SLCO3A1: variants seen among roughly 807,000 people sequenced by gnomAD.
SLCO3A1 encodes the protein solute carrier organic anion transporter family member 3A1, also known as PGE1 transporter.
Under a neutral mutation model 63.1 loss-of-function variants are expected in SLCO3A1, and 27 were observed. The observed-to-expected ratio is 0.43, with a 90% CI of 0.32 to 0.59. SLCO3A1 has a LOEUF of 0.59. Among genes scored for constraint, SLCO3A1 ranks in the 20% least tolerant of loss-of-function variants. The pLI, the probability that SLCO3A1 is intolerant of heterozygous loss-of-function variation, is 0.09. For missense variants in SLCO3A1, 773 were observed against 945.8 expected (o/e 0.82, Z 2.40); for synonymous variants, 473 against 409.9 (o/e 1.15, Z -1.86).
chr15:91,975,608 G>A (rs991835684), intron 2 of SLCO3A1, among the ~76,000 whole-genome samples: 4 of 152,158 alleles, frequency 2.6e-5, no homozygotes, highest in African/African-American at 9.7e-5. Context: ...GGGCCAGGGG[G>A]GCACCCTGCC....
At chr15:91,914,857 C>G (rs994671828) in intron 1 of SLCO3A1, among the ~76,000 whole-genome samples, 2 of 152,272 alleles carry the variant, frequency 1.3e-5, no homozygotes, top group Admixed American at 6.5e-5. Context: ...CAGGTGTGAG[C>G]CACTGCTCCC....
At chr15:91,965,677 A>G (rs1358758209) in intron 2 of SLCO3A1, among the ~76,000 whole-genome samples, 1 of 151,994 alleles carries the variant, frequency 6.6e-6, no homozygotes, top group East Asian at 1.9e-4. Context: ...AGTCCAAAGG[A>G]ATCTTTTGTC....
In SLCO3A1 at chr15:92,147,088, C is replaced by T; in HGVS notation, c.1617C>T (p.Phe539=). 6.2e-7 allele frequency: 1 copy of T among 1,614,166 alleles called. No individual in the cohort carries two copies. The highest frequency in any genetic ancestry group is 2.2e-5 in the East Asian group (1 of 44,868). The change falls in exon 8 of 10, where the codon TTC becomes TTT. Residue 539 remains phenylalanine (F), a synonymous_variant. Transcript: ENST00000318445. The stretch of plus-strand genomic sequence containing the variant: ...GGTGCCAAGAGGCCTTCCTCACTTT[C>T]CTCTGTGTGATGTGTATCTGCAGCC... The part of the protein sequence containing the change: ...SPGCQEAFLT[F]LCVMCICSLI...
chr15:92,067,029 A>T (rs1567100274), intron 2 of SLCO3A1, among the ~76,000 whole-genome samples: 1 of 152,164 alleles, frequency 6.6e-6, no homozygotes, highest in South Asian at 2.1e-4. Flanking sequence ...CACACCTTGT[A>T]TGTAAATATT....
At chr15:91,870,272 G>A (rs1212901970) in intron 1 of SLCO3A1, among the ~76,000 whole-genome samples, 1 of 152,130 alleles carries the variant, frequency 6.6e-6, no homozygotes, top group African/African-American at 2.4e-5. Context: ...CTTATAAAAT[G>A]TATGTTCTAA....
At chr15:91,992,134 T>G (rs1483614494) in intron 2 of SLCO3A1, among the ~76,000 whole-genome samples, 1 of 152,216 alleles carries the variant, frequency 6.6e-6, no homozygotes, top group Non-Finnish European at 1.5e-5. Flanking sequence ...AGCTTCCATT[T>G]TGGATTTATC....
chr15:91,877,755 T>C (rs969860027), intron 1 of SLCO3A1, among the ~76,000 whole-genome samples: 2 of 151,766 alleles, frequency 1.3e-5, no homozygotes, highest in African/African-American at 4.8e-5. Flanking sequence ...TACAGGTTTT[T>C]GCAAAAAGGG....
intron 2 of SLCO3A1, among the ~76,000 whole-genome samples, chr15:92,026,168 C>T (rs1019501628): frequency 1.3e-5 from 2 of 152,044 alleles, no homozygotes; most frequent in Non-Finnish European, 2.9e-5. Flanking sequence ...TTTCTCCATC[C>T]GGTAACTCCT....
Position 91,885,803 on chromosome 15 carries a change from C to T in SLCO3A1, c.181-30190C>T, listed in dbSNP as rs1348971223. ...CGGCTGGACCTTTCTCTAAAGGCCTCTCTGGGCGGGTGATATTTGAGTAGA... is the reference window on the plus strand; with the variant it reads ...CGGCTGGACCTTTCTCTAAAGGCCTTTCTGGGCGGGTGATATTTGAGTAGA... On this transcript the variant is annotated intron_variant, in intron 1 of 9. Coordinates refer to ENST00000318445, the MANE Select transcript of SLCO3A1 (RefSeq NM_013272.4). This position sits in a 1 kb window ranked among gnomAD's most constrained non-coding sequence, Gnocchi z 4.7. Among the ~76,000 whole-genome samples the T allele has an allele frequency of 6.6e-6, 1 of 152,154 alleles. No homozygotes were observed. The highest frequency in any genetic ancestry group is 1.5e-5 in the Non-Finnish European group (1 of 68,032).
At chr15:92,014,216 G>GA (rs2046400007) in intron 2 of SLCO3A1, among the ~76,000 whole-genome samples, 1 of 152,080 alleles carries the variant, frequency 6.6e-6, no homozygotes, top group Non-Finnish European at 1.5e-5. Context: ...AAGCCTGATG[G>GA]GCGTCTCACC....
intron 2 of SLCO3A1, among the ~76,000 whole-genome samples, chr15:92,028,435 A>G (rs116807224): frequency 2.3e-3 from 344 of 152,204 alleles, no homozygotes; most frequent in African/African-American, 7.3e-3. Flanking sequence ...CAGCAAAAGT[A>G]TTTTTTCTAC....
downstream of SLCO3A1, among the ~76,000 whole-genome samples, chr15:92,169,400 G>A (rs1443207704): frequency 1.3e-5 from 2 of 152,206 alleles, no homozygotes; most frequent in Non-Finnish European, 2.9e-5. Flanking sequence ...CACTGATCAA[G>A]AAGACCCTGG....
intron 2 of SLCO3A1, among the ~76,000 whole-genome samples, chr15:92,003,335 A>AC (rs976520565): frequency 3.9e-5 from 6 of 152,138 alleles, no homozygotes; most frequent in African/African-American, 1.2e-4. Context: ...GTCCTGTCTC[A>AC]CCCCTAGTGG....
intron 7 of SLCO3A1, among the ~76,000 whole-genome samples, chr15:92,136,419 G>A (rs1235195436): frequency 6.6e-6 from 1 of 152,134 alleles, no homozygotes; most frequent in South Asian, 2.1e-4. Flanking sequence ...TGTAATACCG[G>A]CTGTCAAAAT....
In SLCO3A1 at chr15:91,887,730, G is replaced by A. The variant is rs1007117030; in HGVS notation, c.181-28263G>A. Among the ~76,000 whole-genome samples the A allele has an allele frequency of 3.9e-5, 6 of 152,172 alleles. No individual in the cohort carries two copies. In the South Asian group the frequency reaches 6.2e-4, roughly 16 times the overall value. On this transcript the variant is annotated intron_variant, in intron 1 of 9. Transcript: ENST00000318445. ...GAAAGATATTCGAGGTAGCCACATG[G>A]TTTAATAAAACCAGGCTGGATGCAA...
Position 92,070,051 on chromosome 15 carries a change from G to A in SLCO3A1, c.647-24830G>A, listed in dbSNP as rs758051750. Among the ~76,000 whole-genome samples the A allele has an allele frequency of 5.3e-5, 8 of 152,220 alleles. 1 individual carries two copies. Among genetic ancestry groups the A allele is most frequent in the East Asian group, 3.9e-4 (2 of 5,182 alleles). ...GTTGGCATCAGGCTCGTTCAGAACC[G>A]ACTGCTTCAAGCAAGTCATTCTCCC... On this transcript the variant is annotated intron_variant, in intron 2 of 9. Transcript: ENST00000318445.
intron 2 of SLCO3A1, among the ~76,000 whole-genome samples, chr15:91,965,207 G>C (rs1317561646): frequency 6.6e-6 from 1 of 152,140 alleles, no homozygotes; most frequent in South Asian, 2.1e-4. Flanking sequence ...TGATTAAAGA[G>C]AAACGCATAT....
rs564272367 is a variant in SLCO3A1 at position 92,009,107 on chromosome 15, C to T, written c.647-85774C>T. 1.9e-4 allele frequency among the ~76,000 whole-genome samples: 29 copies of T among 152,206 alleles called. No homozygotes were observed. The South Asian group carries it at 6.0e-3, about 32-fold the overall frequency. ...CCAATGTGTTTTTCTTCTCACTGAC[C>T]GCAGCCATCATCCAAGTCAAGGTCA... is the stretch of plus-strand genomic sequence containing the variant. On this transcript the variant is annotated intron_variant, in intron 2 of 9. Transcript: ENST00000318445.
chr15:92,028,053 G>T (rs12101386), intron 2 of SLCO3A1, among the ~76,000 whole-genome samples: 30,941 of 152,090 alleles, frequency 0.2, 3,381 homozygotes, highest in African/African-American at 0.24. Flanking sequence ...TTAGCAGTGG[G>T]CACAAAACCC....
Sources: allele counts gnomAD v4.1 joint callset (sites outside exome capture counted in the v4.1 genomes callset), GRCh38; gene constraint gnomAD v4.1.1; non-coding constraint Gnocchi (gnomAD v3.1); transcripts MANE v1.5; gene names NCBI Gene and HGNC (gene_info 2026-07-23, HGNC 2026-07-21).